The following HNRNPK variants were observed in gnomAD, a reference collection of about 807,000 sequenced individuals.
The protein encoded by HNRNPK is heterogeneous nuclear ribonucleoprotein K, also known as dC-stretch binding protein.
In HNRNPK, 7 loss-of-function variants were observed where a neutral mutation model predicts 67.0. That is an observed-to-expected ratio of 0.10 (90% CI 0.06 to 0.20). HNRNPK has a LOEUF of 0.20. Among genes scored for constraint, HNRNPK ranks in the 10% least tolerant of loss-of-function variants. The pLI is 1.00. For synonymous variants in HNRNPK, 213 were observed against 193.7 expected (o/e 1.10, Z -0.83); for missense variants, 264 against 606.5 (o/e 0.44, Z 5.93).
At chr9:83,978,164 A>C (rs1308553263) in intron 3 of HNRNPK, 31 bp downstream of exon 3, 5 of 1,418,740 alleles carry the variant, frequency 3.5e-6, no homozygotes, top group Non-Finnish European at 4.0e-6. Flanking sequence ...CAGGATAAAA[A>C]AATACTGTTA....
chr9:83,971,784 C>G (rs1956856345), intron 11 of HNRNPK, 58 bp from the exon 12 acceptor site: 2 of 1,597,240 alleles, frequency 1.3e-6, no homozygotes, highest in Non-Finnish European at 1.7e-6. Context: ...CATATCAAAT[C>G]AAAGTCTACC....
chr9:83,972,337 A>G, intron 10 of HNRNPK, 148 bp from the exon 11 acceptor site: 1 of 614,330 alleles, frequency 1.6e-6, no homozygotes, highest in South Asian at 2.4e-5. Context: ...GTCAACGCTA[A>G]AAGTAGCAAA....
intron 10 of HNRNPK, 32 bp downstream of exon 10, chr9:83,972,812 A>G: frequency 6.5e-7 from 1 of 1,535,614 alleles, no homozygotes; most frequent in Non-Finnish European, 8.8e-7. Flanking sequence ...GTTTCATAAA[A>G]TCAAATGTAA....
At chr9:83,972,622 TTCAAAGGC>T (rs1418745231) in intron 10 of HNRNPK, among the ~76,000 whole-genome samples, 3 of 152,202 alleles carry the variant, frequency 2.0e-5, no homozygotes, top group Non-Finnish European at 4.4e-5. Flanking sequence ...AGGAAATTCA[TTCAAAGGC>T]TCAAAGGCTA....
rs1459748977 is a variant in HNRNPK at position 83,968,510 on chromosome 9, A to T, written c.*897T>A. On this transcript the variant is annotated 3_prime_UTR_variant, in exon 17 of 17. Transcript: ENST00000376263. The stretch of plus-strand genomic sequence containing the variant: ...TTAGTCACTTCCATAACCAAGTGTT[A>T]TTCTGATTAATAAAACTTGCTGCCA... The T allele has an allele frequency of 6.6e-6, 1 of 152,616 alleles. No individual in the cohort carries two copies. The highest frequency in any genetic ancestry group is 1.5e-5 in the Non-Finnish European group (1 of 68,034). The allele number at this position is 152,616 out of a possible 1,614,324, so 9.5% of individuals were successfully genotyped here.
chr9:83,969,586 T>A, intron 16 of HNRNPK, 146 bp from the exon 17 acceptor site: 2 of 648,020 alleles, frequency 3.1e-6, no homozygotes, highest in South Asian at 3.7e-5. Context: ...CAATTACAAA[T>A]TAAAGCAATG....
At chr9:83,972,293 A>C in intron 10 of HNRNPK, 104 bp from the exon 11 acceptor site, 2 of 826,944 alleles carry the variant, frequency 2.4e-6, no homozygotes, top group East Asian at 5.4e-5. Flanking sequence ...TCATTCCCCC[A>C]TCAGGAGGTA....
At chr9:83,969,952 A>AG in intron 16 of HNRNPK, 4 of 656,302 alleles carry the variant, frequency 6.1e-6, no homozygotes, top group Non-Finnish European at 1.1e-5. Flanking sequence ...TGCTTGGTTA[A>AG]GGCTTCTTCC....
At chr9:83,976,700 T>C (rs1957078248) in intron 5 of HNRNPK, 1 of 255,142 alleles carries the variant, frequency 3.9e-6, no homozygotes, top group Non-Finnish European at 7.4e-6. Flanking sequence ...CAAGGATTTT[T>C]ACACTTTGTC....
chr9:83,969,745 G>C, intron 16 of HNRNPK: 1 of 658,216 alleles, frequency 1.5e-6, no homozygotes, highest in Non-Finnish European at 2.9e-6. Context: ...CCAATCATTT[G>C]TCCTGTAGAG....
rs1956767252 is a variant in HNRNPK at position 83,970,323 on chromosome 9, T to A, written c.1200A>T (p.Gly400=). 6.2e-7 allele frequency: 1 copy of A among 1,610,300 alleles called. No homozygotes were observed. Among genetic ancestry groups the A allele is most frequent in the Non-Finnish European group, 8.5e-7 (1 of 1,178,378 alleles). ...GCTGACCACCTTTGCCAATAATAGA[T>A]CCAGCCAACTGAAAAGATTTTTTAA... ...TQVTIPKDLA[G]SIIGKGGQRI... Residue 400 remains glycine, a synonymous_variant, in exon 16 of 17, where the codon GGA becomes GGT. Coordinates refer to ENST00000376263, the MANE Select transcript of HNRNPK (RefSeq NM_031263.4).
rs1430696211 is a variant in HNRNPK, at chr9:83,968,089, AG to A, written c.*1317del. The A allele has an allele frequency of 6.6e-6, 1 of 152,466 alleles. No individual in the cohort carries two copies. The highest frequency in any genetic ancestry group is 1.5e-5 in the Non-Finnish European group (1 of 68,046). 9.4% of individuals were successfully genotyped at this position (152,466 alleles called of 1,614,324 possible). A position where few individuals can be genotyped will look rare whatever the true frequency, so the allele number is the denominator to read the frequency against. ...AACACTTCACACAAAAAAATACATA[AG>A]ATTACTATATTTCCTTTTAAGAGGA... On this transcript the variant is annotated 3_prime_UTR_variant, in exon 17 of 17. Transcript: ENST00000376263.
rs1350050318 is a variant in HNRNPK at position 83,971,246 on chromosome 9, TACACACGAACAACTATG to T, written c.1092+10_1092+26del. ...TAAGCATCTTAAATTATCACTGATA[TACACACGAACAACTATG>T]ATACTCAACCTGTGGTTCATAAGCC... On this transcript the variant is annotated intron_variant, in intron 13 of 16. Transcript: ENST00000376263. 3.5e-6 allele frequency: 5 copies of T among 1,411,948 alleles called. No homozygotes were observed. In the Admixed American group the frequency reaches 8.4e-5, roughly 24 times the overall value. 87.5% of individuals were successfully genotyped at this position (1,411,948 alleles called of 1,614,324 possible).
chr9:83,978,989 T>C (rs1016970141), intron 1 of HNRNPK, among the ~76,000 whole-genome samples: 1 of 152,076 alleles, frequency 6.6e-6, no homozygotes, highest in Non-Finnish European at 1.5e-5. Flanking sequence ...ACTACCACAA[T>C]ACCAGTCTAT....
intron 5 of HNRNPK, chr9:83,975,863 AT>A: frequency 4.1e-6 from 1 of 243,038 alleles, no homozygotes; most frequent in Admixed American, 4.8e-5. Flanking sequence ...GTGGCTTAAC[AT>A]TAAGGACCTC....
At chr9:83,971,528 A>G in intron 12 of HNRNPK, 144 bp downstream of exon 12, 1 of 824,130 alleles carries the variant, frequency 1.2e-6, no homozygotes, top group Non-Finnish European at 2.0e-6. Context: ...CCAGCAGCAA[A>G]TAACAGAATT....
chr9:83,972,246 C>T, intron 10 of HNRNPK, 57 bp from the exon 11 acceptor site: 2 of 1,282,870 alleles, frequency 1.6e-6, no homozygotes, highest in Non-Finnish European at 2.2e-6. Flanking sequence ...CTGCTTCATA[C>T]CAATCCTTCT....
At chr9:83,970,683 G>C (rs1956789736) in intron 15 of HNRNPK, 54 bp downstream of exon 15, 1 of 1,107,928 alleles carries the variant, frequency 9.0e-7, no homozygotes, top group Non-Finnish European at 1.4e-6. Flanking sequence ...ATACAGAAAG[G>C]AGGAATAATC....
chr9:83,972,823 A>C (rs1309891813), intron 10 of HNRNPK, 21 bp downstream of exon 10: 1 of 1,561,646 alleles, frequency 6.4e-7, no homozygotes, highest in Non-Finnish European at 8.7e-7. Flanking sequence ...TCAAATGTAA[A>C]CAAAAAGTGT....
Sources: gnomAD v4.1 joint callset for allele counts (sites outside exome capture counted in the v4.1 genomes callset) on GRCh38, gnomAD v4.1.1 for gene constraint, MANE v1.5 for transcripts, NCBI Gene and HGNC (gene_info 2026-07-23, HGNC 2026-07-21) for gene names.